The following IKZF2 variants were observed in gnomAD, a reference collection of about 807,000 sequenced individuals.
IKZF2 encodes IKAROS family zinc finger 2.
IKZF2 carries 15 observed loss-of-function variants against 49.2 expected under a neutral mutation model. The ratio of observed to expected loss-of-function variants is 0.30; its 90% CI spans 0.20 to 0.47. The LOEUF is 0.47. IKZF2 is among the 20% of genes least tolerant of loss of function. The pLI is 1.00. For synonymous variants in IKZF2, 227 were observed against 221.4 expected (o/e 1.03, Z -0.23); for missense variants, 567 against 664.6 (o/e 0.85, Z 1.61).
intron 4 of IKZF2, among the ~76,000 whole-genome samples, chr2:213,078,640 C>G (rs1002555740): frequency 6.6e-6 from 1 of 152,214 alleles, no homozygotes; most frequent in African/African-American, 2.4e-5. Context: ...CCTCTAAATA[C>G]TGTGTTTCTT....
intron 7 of IKZF2, among the ~76,000 whole-genome samples, chr2:213,021,202 G>A (rs928118077): frequency 2.6e-5 from 4 of 151,632 alleles, no homozygotes; most frequent in South Asian, 4.2e-4. Context: ...GGCAAAGTGA[G>A]AGTCCATCTC....
chr2:213,115,317 AAAC>A (rs2059835692), intron 4 of IKZF2, among the ~76,000 whole-genome samples: 1 of 152,244 alleles, frequency 6.6e-6, no homozygotes, highest in Non-Finnish European at 1.5e-5. Context: ...ACTAGAGAGT[AAAC>A]AACACTAGTC....
intron 4 of IKZF2, chr2:213,081,060 G>C (rs1703896081): frequency 6.5e-6 from 1 of 154,654 alleles, no homozygotes; most frequent in African/African-American, 2.4e-5. Flanking sequence ...CATGTATTAA[G>C]TTAGGTCTGT....
chr2:213,045,839 C>T (rs1700101154), intron 6 of IKZF2, among the ~76,000 whole-genome samples: 1 of 152,174 alleles, frequency 6.6e-6, no homozygotes, highest in Admixed American at 6.6e-5. Context: ...TTTGGGTATA[C>T]TTCTGTGGTG....
intron 7 of IKZF2, 107 bp downstream of exon 7, chr2:213,021,886 A>T: frequency 8.3e-7 from 1 of 1,206,970 alleles, no homozygotes; most frequent in Non-Finnish European, 1.2e-6. Context: ...AACTCATTTA[A>T]GTTAAAGTGA....
intron 6 of IKZF2, among the ~76,000 whole-genome samples, chr2:213,028,464 C>G (rs1698049889): frequency 1.3e-5 from 2 of 152,222 alleles, no homozygotes; most frequent in South Asian, 4.1e-4. Flanking sequence ...CAGGAGAAAC[C>G]AACATCTTAA....
rs185639138 is a variant in IKZF2 at position 213,035,966 on chromosome 2, G to A, written c.574+13747C>T. Among the ~76,000 whole-genome samples the A allele has an allele frequency of 2.6e-3, 390 of 152,286 alleles. 1 individual carries two copies. Among genetic ancestry groups the A allele is most frequent in the Non-Finnish European group, 4.9e-3 (331 of 68,022 alleles). ...CTCAGCTTTCATGAGTATATTGGAAGTTGGATAAAATGTAAACATATAGTT... is the reference window on the plus strand; with the variant it reads ...CTCAGCTTTCATGAGTATATTGGAAATTGGATAAAATGTAAACATATAGTT... On this transcript the variant is annotated intron_variant, in intron 6 of 8. Coordinates refer to ENST00000434687, the MANE Select transcript of IKZF2 (RefSeq NM_001387220.1).
rs148419959 is a variant in IKZF2, at chr2:213,102,612, G to A, written c.139+45096C>T. ...TCATTAGAAATTAAACAAAAATAAT[G>A]CATAAAAATCCACAGCATATAGCAA... is the stretch of plus-strand genomic sequence containing the variant. On this transcript the variant is annotated intron_variant, in intron 4 of 8. Coordinates refer to ENST00000434687, the MANE Select transcript of IKZF2 (RefSeq NM_001387220.1). Among the ~76,000 whole-genome samples the A allele has an allele frequency of 5.8e-3, 875 of 150,278 alleles. 11 individuals carry two copies. The highest frequency in any genetic ancestry group is 0.021 in the African/African-American group (843 of 40,938).
rs1347011727 is a variant in IKZF2 at position 213,054,977 on chromosome 2, G to A, written c.406+1856C>T. On this transcript the variant is annotated intron_variant, in intron 5 of 8. Transcript: ENST00000434687. The stretch of plus-strand genomic sequence containing the variant: ...TCATGAATATTATTGTAGCTACAGT[G>A]AATCACTGATTAACCTAAATTTTCT... Among the ~76,000 whole-genome samples, 6 of 152,146 alleles carry A rather than the reference G, an allele frequency of 3.9e-5. No homozygotes were observed. The South Asian group carries it at 6.2e-4, about 16-fold the overall frequency.
chr2:213,091,509 T>G (rs1411814993), intron 4 of IKZF2, among the ~76,000 whole-genome samples: 1 of 152,160 alleles, frequency 6.6e-6, no homozygotes, highest in Non-Finnish European at 1.5e-5. Context: ...GAAAAGAAAC[T>G]TGCAAGGCAT....
intron 6 of IKZF2, among the ~76,000 whole-genome samples, chr2:213,031,264 G>A (rs1396467391): frequency 2.0e-5 from 3 of 152,164 alleles, no homozygotes; most frequent in South Asian, 2.1e-4. Context: ...AGCACTGAAC[G>A]AGACAAATGT....
intron 6 of IKZF2, among the ~76,000 whole-genome samples, chr2:213,034,277 A>G (rs999469342): frequency 1.3e-5 from 2 of 152,182 alleles, no homozygotes; most frequent in Non-Finnish European, 2.9e-5. Context: ...CTTTCTTATC[A>G]CTTGTGTGTT....
intron 4 of IKZF2, among the ~76,000 whole-genome samples, chr2:213,119,415 C>T (rs929400794): frequency 6.6e-6 from 1 of 151,820 alleles, no homozygotes; most frequent in Non-Finnish European, 1.5e-5. Context: ...TGAGATGAAA[C>T]AAATTTCCCT....
intron 4 of IKZF2, among the ~76,000 whole-genome samples, chr2:213,067,771 T>C (rs1559230394): frequency 6.6e-6 from 1 of 152,044 alleles, no homozygotes; most frequent in Admixed American, 6.6e-5. Context: ...TATGTGTCTG[T>C]CTTTTTATAT....
chr2:213,086,065 A>C, intron 4 of IKZF2, among the ~76,000 whole-genome samples: 1 of 152,220 alleles, frequency 6.6e-6, no homozygotes, highest in East Asian at 1.9e-4. Context: ...CACCAAATTA[A>C]AGAAAACAAA....
intron 4 of IKZF2, among the ~76,000 whole-genome samples, chr2:213,106,853 A>T (rs1048253794): frequency 5.9e-5 from 9 of 152,180 alleles, no homozygotes; most frequent in African/African-American, 1.9e-4. Flanking sequence ...TGTGATTAAT[A>T]TGTAATCTTG....
intron 4 of IKZF2, among the ~76,000 whole-genome samples, chr2:213,089,043 A>ATTCG (rs1704996900): frequency 6.6e-6 from 1 of 152,168 alleles, no homozygotes; most frequent in African/African-American, 2.4e-5. Flanking sequence ...TCCTTTGGCT[A>ATTCG]AGACATTTTG....
At chr2:213,068,845 T>C (rs1702397485) in intron 4 of IKZF2, among the ~76,000 whole-genome samples, 1 of 151,538 alleles carries the variant, frequency 6.6e-6, no homozygotes, top group Non-Finnish European at 1.5e-5. Flanking sequence ...GATAGTGCAA[T>C]GTGATAAATG....
intron 4 of IKZF2, among the ~76,000 whole-genome samples, chr2:213,067,229 A>G (rs1415799870): frequency 1.3e-5 from 2 of 152,148 alleles, no homozygotes; most frequent in Non-Finnish European, 2.9e-5. Flanking sequence ...TCTTATTAAT[A>G]TATCTATGTG....
Sources: allele counts gnomAD v4.1 joint callset (sites outside exome capture counted in the v4.1 genomes callset), GRCh38; gene constraint gnomAD v4.1.1; transcripts MANE v1.5; gene names NCBI Gene and HGNC (gene_info 2026-07-23, HGNC 2026-07-21).